LRBA: variants seen among roughly 807,000 people sequenced by gnomAD.
LRBA encodes the protein lipopolysaccharide-responsive and beige-like anchor protein.
A neutral mutation model predicts 330.0 loss-of-function variants in LRBA; 176 were observed. The ratio of observed to expected loss-of-function variants is 0.53; its 90% CI spans 0.47 to 0.60. The LOEUF (loss-of-function observed/expected upper bound fraction) is 0.60, where lower values mean the gene tolerates loss of function less well. LRBA is among the 20% of genes least tolerant of loss of function. The pLI, the probability that LRBA is intolerant of heterozygous loss-of-function variation, is 0.00. For missense variants in LRBA, 3,259 were observed against 3,444.8 expected (o/e 0.95, Z 1.35); for synonymous variants, 1,230 against 1,193.0 (o/e 1.03, Z -0.64).
intron 48 of LRBA, among the ~76,000 whole-genome samples, chr4:150,332,199 C>A (rs1734085187): frequency 6.6e-6 from 1 of 152,152 alleles, no homozygotes; most frequent in South Asian, 2.1e-4. Context: ...TTTCACCACT[C>A]TATAATGTGA....
intron 56 of LRBA, among the ~76,000 whole-genome samples, chr4:150,276,845 A>G (rs750944257): frequency 6.6e-6 from 1 of 152,232 alleles, no homozygotes; most frequent in Non-Finnish European, 1.5e-5. Flanking sequence ...AATTAGTTCA[A>G]CCATTGTAGA....
chr4:150,914,549 T>C (rs1461825545), intron 8 of LRBA, among the ~76,000 whole-genome samples: 1 of 152,094 alleles, frequency 6.6e-6, no homozygotes, highest in Non-Finnish European at 1.5e-5. Flanking sequence ...AACACATGTG[T>C]TCTCAAGCCA....
At chr4:150,672,358 T>G (rs932130328) in intron 37 of LRBA, among the ~76,000 whole-genome samples, 4 of 152,008 alleles carry the variant, frequency 2.6e-5, no homozygotes, top group Admixed American at 2.0e-4. Context: ...TTTTCTTTTT[T>G]TTTTTTAGAA....
chr4:150,680,688 G>A (rs887894932), intron 37 of LRBA, among the ~76,000 whole-genome samples: 12 of 152,234 alleles, frequency 7.9e-5, no homozygotes, highest in African/African-American at 2.6e-4. Context: ...TCCCCGGCTT[G>A]CAGTTTTGTC....
chr4:150,883,159 C>T (rs1051826797), intron 17 of LRBA, among the ~76,000 whole-genome samples: 1 of 151,934 alleles, frequency 6.6e-6, no homozygotes, highest in African/African-American at 2.4e-5. Flanking sequence ...TCATGGTGGC[C>T]TTCAAAAATT....
Position 150,735,208 on chromosome 4 carries a change from T to G in LRBA, c.5754+50A>C, listed in dbSNP as rs780929411. On this transcript the variant is annotated intron_variant, in intron 36 of 56. Transcript: ENST00000651943. ...TTTTACCGGGACAATTTCTCATGATTATCATTAAAAAACGGTAACTTCCGC... is the reference window on the plus strand; with the variant it reads ...TTTTACCGGGACAATTTCTCATGATGATCATTAAAAAACGGTAACTTCCGC... 7.7e-6 allele frequency: 10 copies of G among 1,297,158 alleles called. No homozygotes were observed. The South Asian group carries it at 1.2e-4, about 15-fold the overall frequency. The allele number at this position is 1,297,158 out of a possible 1,614,324, so 80.4% of individuals were successfully genotyped here.
intron 40 of LRBA, among the ~76,000 whole-genome samples, chr4:150,513,712 C>T (rs1380971711): frequency 1.3e-5 from 2 of 152,172 alleles, no homozygotes; most frequent in East Asian, 3.9e-4. Flanking sequence ...CAGAGAATTT[C>T]TCTTTCATCG....
In LRBA at chr4:150,421,594, G is replaced by A. The variant is rs554322458; in HGVS notation, c.7042-6004C>T. Among the ~76,000 whole-genome samples, 56 of 152,002 alleles carry A rather than the reference G, an allele frequency of 3.7e-4. 1 individual carries two copies. The South Asian group carries it at 0.011, about 29-fold the overall frequency. ...GTTTAACAGAGAGCTTCAGTTTCAC[G>A]TCACTGTCCTAGCTTCATCTACCTG... On this transcript the variant is annotated intron_variant, in intron 46 of 56. Coordinates refer to ENST00000651943, the MANE Select transcript of LRBA (RefSeq NM_001364905.1).
In LRBA at chr4:150,465,866, T is replaced by C. The variant is rs564642142; in HGVS notation, c.6780+1807A>G. Among the ~76,000 whole-genome samples the C allele has an allele frequency of 3.3e-5, 5 of 152,166 alleles. No homozygotes were observed. The East Asian group carries it at 9.7e-4, about 29-fold the overall frequency. On this transcript the variant is annotated intron_variant, in intron 44 of 56. Transcript: ENST00000651943. Reference sequence around the variant, plus strand: ...TAAGCACTATATCAGGCACAAGAGATACAGAAATTAACAAAACAAAATCTT... The same window carrying C: ...TAAGCACTATATCAGGCACAAGAGACACAGAAATTAACAAAACAAAATCTT...
intron 40 of LRBA, chr4:150,581,851 AG>A (rs1771390631): frequency 1.3e-5 from 2 of 152,492 alleles, no homozygotes; most frequent in African/African-American, 4.8e-5. Context: ...TAGCGATTGT[AG>A]GAACTGAAGC....
At chr4:150,503,105 C>A (rs539456500) in intron 40 of LRBA, among the ~76,000 whole-genome samples, 83 of 152,344 alleles carry the variant, frequency 5.4e-4, no homozygotes, top group African/African-American at 1.9e-3. Flanking sequence ...CTGCCTGCCT[C>A]TGGAGGCTCC....
chr4:150,649,006 T>G (rs1779463201), intron 37 of LRBA, among the ~76,000 whole-genome samples: 1 of 152,184 alleles, frequency 6.6e-6, no homozygotes, highest in Non-Finnish European at 1.5e-5. Context: ...CCTTCTTGGT[T>G]CCAAATCTAA....
At chr4:150,386,398 C>G (rs1445456396) in intron 47 of LRBA, among the ~76,000 whole-genome samples, 1 of 151,152 alleles carries the variant, frequency 6.6e-6, no homozygotes, top group African/African-American at 2.4e-5. Context: ...GCTATTCTTC[C>G]TGATGTTTTC....
intron 30 of LRBA, 38 bp downstream of exon 30, chr4:150,828,142 T>A: frequency 6.3e-7 from 1 of 1,588,926 alleles, no homozygotes; most frequent in Non-Finnish European, 8.6e-7. Context: ...AAGGGTCAGA[T>A]GTAGAAACAT....
intron 40 of LRBA, among the ~76,000 whole-genome samples, chr4:150,527,792 G>A (rs1763631426): frequency 6.6e-6 from 1 of 152,104 alleles, no homozygotes; most frequent in South Asian, 2.1e-4. Flanking sequence ...GAAAGAATTT[G>A]TACAATATTT....
chr4:150,423,370 G>T, intron 46 of LRBA: 1 of 650,234 alleles, frequency 1.5e-6, no homozygotes. Context: ...CTGCCCACTT[G>T]CTCCCGGGCC....
intron 48 of LRBA, among the ~76,000 whole-genome samples, chr4:150,347,694 A>G (rs986880558): frequency 6.6e-6 from 1 of 152,052 alleles, no homozygotes; most frequent in Admixed American, 6.6e-5. Context: ...TATGTTATAT[A>G]TATTTATCAC....
rs1299483769 is a variant in LRBA at position 150,506,543 on chromosome 4, ACT to A, written c.6331-15510_6331-15509del. Reference sequence around the variant, plus strand: ...AATTCAACAACCCTTCATGCTAAAAACTCTCAATAAATTAGGTATTAATGGGA... The same window carrying A: ...AATTCAACAACCCTTCATGCTAAAAACTCAATAAATTAGGTATTAATGGGA... On this transcript the variant is annotated intron_variant, in intron 40 of 56. Coordinates refer to ENST00000651943, the MANE Select transcript of LRBA (RefSeq NM_001364905.1). 5.3e-5 allele frequency among the ~76,000 whole-genome samples: 8 copies of A among 152,206 alleles called. No homozygotes were observed. The East Asian group carries it at 1.5e-3, about 29-fold the overall frequency.
At chr4:150,408,384 G>T (rs1407131808) in intron 47 of LRBA, among the ~76,000 whole-genome samples, 2 of 152,012 alleles carry the variant, frequency 1.3e-5, no homozygotes, top group Non-Finnish European at 2.9e-5. Context: ...TAAAAAAACT[G>T]ATTTGGTAAT....
Sources: allele counts gnomAD v4.1 joint callset (sites outside exome capture counted in the v4.1 genomes callset), GRCh38; gene constraint gnomAD v4.1.1; transcripts MANE v1.5; gene names NCBI Gene and HGNC (gene_info 2026-07-23, HGNC 2026-07-21).